SUPT3H: variants seen among roughly 807,000 people sequenced by gnomAD.
SUPT3H encodes transcription initiation protein SPT3 homolog.
Under a neutral mutation model 44.3 loss-of-function variants are expected in SUPT3H, and 44 were observed. The observed-to-expected ratio is 0.99, with a 90% confidence interval of 0.78 to 1.28. The LOEUF is 1.28. Among genes scored for constraint, SUPT3H ranks in the 50% most tolerant of loss-of-function variants. The probability of loss-of-function intolerance (pLI) is 0.00; values close to 1 mark genes in which losing one functional copy is unlikely to be tolerated. For synonymous variants in SUPT3H, 124 were observed against 125.6 expected, an observed-to-expected ratio of 0.99 and a Z score of 0.09; for missense variants, 380 against 387.1, an observed-to-expected ratio of 0.98 and a Z score of 0.15.
intron 2 of SUPT3H, among the ~76,000 whole-genome samples, chr6:45,217,890 A>G (rs1399072488): frequency 2.8e-5 from 3 of 106,166 alleles, no homozygotes; most frequent in Non-Finnish European, 5.5e-5. Flanking sequence ...ACTCTGTCTC[A>G]AAAGAAAAAG....
chr6:44,924,895 T>C (rs963102327), intron 10 of SUPT3H, among the ~76,000 whole-genome samples: 1 of 152,146 alleles, frequency 6.6e-6, no homozygotes, highest in Non-Finnish European at 1.5e-5. Flanking sequence ...CTACTTGGTA[T>C]TTACATTTGA....
At chr6:44,993,509 C>A (rs1236671392) in intron 6 of SUPT3H, among the ~76,000 whole-genome samples, 1 of 151,996 alleles carries the variant, frequency 6.6e-6, no homozygotes, top group Non-Finnish European at 1.5e-5. Flanking sequence ...CAATTCTTTA[C>A]CATTATATCA....
chr6:45,376,827 C>A (rs1796844861), intron 1 of SUPT3H, among the ~76,000 whole-genome samples: 2 of 151,714 alleles, frequency 1.3e-5, no homozygotes, highest in African/African-American at 4.9e-5. Flanking sequence ...ATACTAAGAC[C>A]CCAGGTCCTC....
At position 45,153,906 on chromosome 6, in the gene SUPT3H, A is replaced by C. The variant is rs568273726; in HGVS notation, c.102-47900T>G. On this transcript the variant is annotated intron_variant, in intron 2 of 10. Transcript: ENST00000371459. ...AACATGGTGAAACCCTGTCTCTACTAAAAATGCAAAAAAATTAGCCAGGCG... is the reference window on the plus strand; with the variant it reads ...AACATGGTGAAACCCTGTCTCTACTCAAAATGCAAAAAAATTAGCCAGGCG... Among the ~76,000 whole-genome samples, 4 of 152,064 alleles carry C rather than the reference A, an allele frequency of 2.6e-5. No homozygotes were observed. The South Asian group carries it at 8.3e-4, about 32-fold the overall frequency.
intron 2 of SUPT3H, among the ~76,000 whole-genome samples, chr6:45,145,737 G>A (rs1401270443): frequency 6.6e-6 from 1 of 151,894 alleles, no homozygotes; most frequent in East Asian, 1.9e-4. Context: ...AACCCACAGA[G>A]TAGAAGAAAA....
intron 2 of SUPT3H, among the ~76,000 whole-genome samples, chr6:45,180,307 G>C (rs958142112): frequency 1.3e-5 from 2 of 148,638 alleles, no homozygotes; most frequent in African/African-American, 5.0e-5. Context: ...GTAATTTATA[G>C]ATTCAATGCC....
intron 9 of SUPT3H, among the ~76,000 whole-genome samples, chr6:44,951,919 A>ATT (rs1774380575): frequency 1.3e-5 from 2 of 152,228 alleles, no homozygotes; most frequent in South Asian, 4.1e-4. Context: ...CATCAAAGAC[A>ATT]TTTTAAAGGG....
chr6:45,039,805 AC>A (rs1788242726), intron 3 of SUPT3H, among the ~76,000 whole-genome samples: 1 of 148,930 alleles, frequency 6.7e-6, no homozygotes, highest in East Asian at 2.0e-4. Context: ...AAAAACAAAA[AC>A]AAAAAACAAA....
intron 9 of SUPT3H, among the ~76,000 whole-genome samples, chr6:44,938,104 TTTTTACC>T: frequency 6.6e-6 from 1 of 151,834 alleles, no homozygotes; most frequent in South Asian, 2.1e-4. Context: ...CTATTTTTTT[TTTTTACC>T]TGTGCTTTTG....
intron 2 of SUPT3H, among the ~76,000 whole-genome samples, chr6:45,158,298 A>ATATATATATTTTTTTT: frequency 4.0e-5 from 4 of 99,692 alleles, no homozygotes; most frequent in African/African-American, 2.0e-4. Flanking sequence ...ATATATATAT[A>ATATATATATTTTTTTT]TTTTTTTTTT....
intron 6 of SUPT3H, among the ~76,000 whole-genome samples, chr6:44,972,506 A>G (rs1777728635): frequency 6.6e-6 from 1 of 152,148 alleles, no homozygotes; most frequent in Admixed American, 6.5e-5. Flanking sequence ...ACACAGTGCA[A>G]GCTGTCAGTG....
chr6:45,163,829 G>T (rs554751377), intron 2 of SUPT3H, among the ~76,000 whole-genome samples: 1 of 149,452 alleles, frequency 6.7e-6, no homozygotes, highest in Admixed American at 6.7e-5. Context: ...GAGGTCCTCA[G>T]CATGCATTTA....
intron 2 of SUPT3H, among the ~76,000 whole-genome samples, chr6:45,337,921 A>G (rs1039992799): frequency 1.3e-5 from 2 of 152,034 alleles, no homozygotes; most frequent in Non-Finnish European, 2.9e-5. Flanking sequence ...TTTAAGAAAC[A>G]AAACTCCTGA....
At chr6:45,208,807 T>C (rs1394627001) in intron 2 of SUPT3H, among the ~76,000 whole-genome samples, 2 of 151,354 alleles carry the variant, frequency 1.3e-5, no homozygotes, top group Admixed American at 6.6e-5. Flanking sequence ...AAAACTCCCA[T>C]AGCTGGAGAG....
intron 9 of SUPT3H, among the ~76,000 whole-genome samples, chr6:44,945,944 C>A (rs1223825464): frequency 1.3e-5 from 2 of 152,244 alleles, no homozygotes; most frequent in East Asian, 3.9e-4. Flanking sequence ...GGCTTCAAAG[C>A]TTCAAAGCTG....
At chr6:45,121,519 G>A (rs1056016888) in intron 2 of SUPT3H, among the ~76,000 whole-genome samples, 7 of 60,256 alleles carry the variant, frequency 1.2e-4, no homozygotes, top group Admixed American at 9.4e-4. Context: ...GAAATTATGT[G>A]GGGGGGGGGG....
chr6:45,078,730 CTTCCT>C (rs943465543), intron 3 of SUPT3H, among the ~76,000 whole-genome samples: 2 of 151,930 alleles, frequency 1.3e-5, no homozygotes, highest in Non-Finnish European at 2.9e-5. Context: ...GTTTGTTTTC[CTTCCT>C]TTCCTTTCCT....
At chr6:44,951,940 C>T (rs1468961151) in intron 9 of SUPT3H, among the ~76,000 whole-genome samples, 2 of 152,034 alleles carry the variant, frequency 1.3e-5, no homozygotes, top group Non-Finnish European at 2.9e-5. Flanking sequence ...GGTTTTTTGA[C>T]ATCATAATTT....
intron 6 of SUPT3H, among the ~76,000 whole-genome samples, chr6:44,976,138 A>C (rs545092051): frequency 6.6e-6 from 1 of 152,304 alleles, no homozygotes; most frequent in South Asian, 2.1e-4. Flanking sequence ...TCTAAGCTAG[A>C]AGCATGAGTT....
Sources: gnomAD v4.1 joint callset for allele counts (sites outside exome capture counted in the v4.1 genomes callset) on GRCh38, gnomAD v4.1.1 for gene constraint, MANE v1.5 for transcripts, NCBI Gene and HGNC (gene_info 2026-07-23, HGNC 2026-07-21) for gene names.